The following ZNF532 variants were observed in gnomAD, a reference collection of about 807,000 sequenced individuals.
ZNF532 encodes zinc finger protein 532.
Under a neutral mutation model 89.3 loss-of-function variants are expected in ZNF532, and 22 were observed. The ratio of observed to expected loss-of-function variants is 0.25; its 90% CI spans 0.18 to 0.35. ZNF532 has a LOEUF of 0.35. Ranked by LOEUF, ZNF532 falls within the 10% of genes least tolerant of loss-of-function variation. The pLI is 1.00. For missense variants in ZNF532, 1,132 were observed against 1,643.4 expected (o/e 0.69, Z 5.38); for synonymous variants, 606 against 649.6 (o/e 0.93, Z 1.02).
chr18:58,894,043 A>C (rs945512658), intron 2 of ZNF532, among the ~76,000 whole-genome samples: 2 of 152,128 alleles, frequency 1.3e-5, no homozygotes, highest in African/African-American at 4.8e-5. Context: ...GTCTGGCATC[A>C]TTTCCGTGTT....
chr18:58,945,026 A>G (rs941012387), intron 5 of ZNF532, among the ~76,000 whole-genome samples: 6 of 152,182 alleles, frequency 3.9e-5, no homozygotes, highest in South Asian at 2.1e-4. Flanking sequence ...ATACCATCCA[A>G]TTCATTGACT....
intron 2 of ZNF532, among the ~76,000 whole-genome samples, chr18:58,880,032 A>G (rs958605611): frequency 6.6e-6 from 1 of 152,208 alleles, no homozygotes; most frequent in East Asian, 1.9e-4. Context: ...TTGGATCCAA[A>G]TAGAGGTTCT....
At chr18:58,879,200 C>T (rs1035861832) in intron 2 of ZNF532, among the ~76,000 whole-genome samples, 5 of 152,116 alleles carry the variant, frequency 3.3e-5, no homozygotes, top group East Asian at 3.9e-4. Context: ...GATACATTAG[C>T]GTCTCTTGTG....
chr18:58,947,586 G>A (rs1453371201), intron 5 of ZNF532, among the ~76,000 whole-genome samples: 1 of 152,134 alleles, frequency 6.6e-6, no homozygotes, highest in African/African-American at 2.4e-5. Flanking sequence ...TAGAAATATT[G>A]ACATTCAAAT....
intron 2 of ZNF532, among the ~76,000 whole-genome samples, chr18:58,895,561 G>A (rs765702964): frequency 2.0e-5 from 3 of 152,190 alleles, no homozygotes; most frequent in Non-Finnish European, 2.9e-5. Context: ...AGTGACGGAC[G>A]GGCCTGCCTG....
At chr18:58,866,714 T>A (rs560022696) in intron 2 of ZNF532, among the ~76,000 whole-genome samples, 5 of 152,338 alleles carry the variant, frequency 3.3e-5, no homozygotes, top group Non-Finnish European at 7.3e-5. Context: ...GGGCAGGATA[T>A]CTGCAGTGAA....
At chr18:58,872,990 A>C (rs1170108475) in intron 2 of ZNF532, among the ~76,000 whole-genome samples, 2 of 152,040 alleles carry the variant, frequency 1.3e-5, no homozygotes, top group Non-Finnish European at 2.9e-5. Flanking sequence ...GAGCCAACAC[A>C]CCCGGCCTAA....
chr18:58,884,877 T>A (rs1356751050), intron 2 of ZNF532, among the ~76,000 whole-genome samples: 1 of 152,202 alleles, frequency 6.6e-6, no homozygotes, highest in Non-Finnish European at 1.5e-5. Flanking sequence ...GCAAAAGTTA[T>A]CATGGATTTT....
upstream of ZNF532, chr18:58,863,718 T>C: frequency 6.6e-6 from 1 of 152,160 alleles, no homozygotes; most frequent in Non-Finnish European, 1.5e-5. Context: ...ACGCCCGGGC[T>C]TGACCGCCGC....
At chr18:58,943,158 CTTT>C (rs11289347) in intron 5 of ZNF532, among the ~76,000 whole-genome samples, 15 of 123,090 alleles carry the variant, frequency 1.2e-4, no homozygotes, top group African/African-American at 2.8e-4. Flanking sequence ...ATTACTATAT[CTTT>C]TTTTTTTTTT....
At chr18:58,881,943 C>T (rs112913794) in intron 2 of ZNF532, among the ~76,000 whole-genome samples, 1 of 152,150 alleles carries the variant, frequency 6.6e-6, no homozygotes, top group African/African-American at 2.4e-5. Flanking sequence ...ACTTCCAGAA[C>T]CATCAAACAA....
At chr18:58,920,765 TGTG>T (rs2060993620) in intron 3 of ZNF532, 132 bp downstream of exon 3, 1 of 649,038 alleles carries the variant, frequency 1.5e-6, no homozygotes, top group Non-Finnish European at 2.6e-6. Context: ...TGTGTGTGTG[TGTG>T]TGTGTGTGTG....
intron 7 of ZNF532, among the ~76,000 whole-genome samples, chr18:58,978,611 C>T (rs1448907346): frequency 3.3e-5 from 5 of 152,068 alleles, no homozygotes; most frequent in African/African-American, 1.2e-4. Flanking sequence ...CAGCCCTGTC[C>T]TCATTTTTAT....
At chr18:58,864,082 CGGCCG>C (rs1384455161), upstream of ZNF532, 2 of 152,218 alleles carry the variant, frequency 1.3e-5, no homozygotes, top group East Asian at 3.9e-4. Context: ...CCGCCGGCGC[CGGCCG>C]GGCACAGATG....
At chr18:58,965,983 T>C (rs1249805316) in intron 7 of ZNF532, among the ~76,000 whole-genome samples, 1 of 152,190 alleles carries the variant, frequency 6.6e-6, no homozygotes, top group Non-Finnish European at 1.5e-5. Context: ...AGAGCACAGT[T>C]AGAATCAGGG....
intron 2 of ZNF532, among the ~76,000 whole-genome samples, chr18:58,872,390 C>G (rs1360161417): frequency 1.3e-5 from 2 of 152,156 alleles, no homozygotes; most frequent in Non-Finnish European, 2.9e-5. Context: ...ACTCCCGGGG[C>G]TAGTAATGGG....
At chr18:58,873,991 A>T (rs1366976760) in intron 2 of ZNF532, among the ~76,000 whole-genome samples, 1 of 135,898 alleles carries the variant, frequency 7.4e-6, no homozygotes, top group Admixed American at 7.4e-5. Flanking sequence ...AAATGCATAT[A>T]TAAAGTGTTT....
chr18:58,937,595 C>A (rs1603238207), intron 4 of ZNF532, among the ~76,000 whole-genome samples: 1 of 152,230 alleles, frequency 6.6e-6, no homozygotes, highest in Non-Finnish European at 1.5e-5. Context: ...GGTTCTTTTG[C>A]TCTTTAAACA....
At chr18:58,871,035 G>C in intron 2 of ZNF532, among the ~76,000 whole-genome samples, 1 of 152,090 alleles carries the variant, frequency 6.6e-6, no homozygotes. Context: ...GTTTTAAAAG[G>C]GGTTGGGTTT....
Sources: gnomAD v4.1 joint callset for allele counts (sites outside exome capture counted in the v4.1 genomes callset) on GRCh38, gnomAD v4.1.1 for gene constraint, MANE v1.5 for transcripts, NCBI Gene and HGNC (gene_info 2026-07-23, HGNC 2026-07-21) for gene names.